The following ZSCAN5C variants were observed in gnomAD, a reference collection of about 807,000 sequenced individuals.
The protein encoded by ZSCAN5C is zinc finger and SCAN domain-containing protein 5C.
A neutral mutation model predicts 17.3 loss-of-function variants in ZSCAN5C; 11 were observed. That is an observed-to-expected ratio of 0.64 (90% CI 0.40 to 1.06). ZSCAN5C has a LOEUF of 1.06. ZSCAN5C is among the 50% of genes least tolerant of loss of function. ZSCAN5C has a pLI of 0.00. For synonymous variants in ZSCAN5C, 229 were observed against 208.4 expected, an observed-to-expected ratio of 1.10 and a Z score of -0.85; for missense variants, 698 against 538.9, an observed-to-expected ratio of 1.30 and a Z score of -2.92.
chr19:56,207,815 G>A (rs2032940709), intron 3 of ZSCAN5C, among the ~76,000 whole-genome samples: 1 of 151,824 alleles, frequency 6.6e-6, no homozygotes, highest in Non-Finnish European at 1.5e-5. Flanking sequence ...TGCCAGTGGT[G>A]CCAGGGGTTA....
chr19:56,203,795 A>G (rs2032894606), intron 1 of ZSCAN5C, among the ~76,000 whole-genome samples: 1 of 151,298 alleles, frequency 6.6e-6, no homozygotes, highest in Non-Finnish European at 1.5e-5. Context: ...GATTACAGGC[A>G]TGTGCCACCA....
chr19:56,207,167 C>T (rs746194868), exon 3 of ZSCAN5C: 14 of 777,966 alleles, frequency 1.8e-5, no homozygotes, highest in East Asian at 7.3e-5. Context: ...GTCCAGCCAG[C>T]GGACCTCCTC....
exon 5 of ZSCAN5C, chr19:56,208,727 G>A (rs910977826): frequency 4.2e-5 from 67 of 1,611,942 alleles, no homozygotes; most frequent in Non-Finnish European, 5.3e-5. Context: ...AGGCCCTGCG[G>A]GCCCAGTCAG....
chr19:56,206,399 G>A, intron 2 of ZSCAN5C, 102 bp downstream of exon 2: 1 of 1,439,972 alleles, frequency 6.9e-7, no homozygotes. Context: ...TCTAGGTCAG[G>A]GCTTCCAAGT....
chr19:56,206,438 T>A, intron 2 of ZSCAN5C, 141 bp downstream of exon 2: 1 of 1,301,916 alleles, frequency 7.7e-7, no homozygotes, highest in South Asian at 1.5e-5. Flanking sequence ...CAGGGACACA[T>A]GGCAGTGTCT....
chr19:56,203,859 G>A (rs2032895061), intron 1 of ZSCAN5C, among the ~76,000 whole-genome samples: 1 of 151,540 alleles, frequency 6.6e-6, no homozygotes, highest in Non-Finnish European at 1.5e-5. Context: ...ATGTTGGTCA[G>A]GCTGGTCTTG....
chr19:56,207,310 G>A (rs577549341), intron 3 of ZSCAN5C, 48 bp downstream of exon 3: 92 of 724,040 alleles, frequency 1.3e-4, no homozygotes, highest in Admixed American at 5.1e-4. Context: ...GAGAAGGAAC[G>A]GGAGGAAATC....
At chr19:56,206,731 C>T (rs535038115) in intron 2 of ZSCAN5C, among the ~76,000 whole-genome samples, 1 of 151,978 alleles carries the variant, frequency 6.6e-6, no homozygotes, top group South Asian at 2.1e-4. Context: ...GAAATACCAT[C>T]CTGAGGCAGG....
chr19:56,208,357 A>G, intron 4 of ZSCAN5C, 92 bp from the exon 5 acceptor site: 2 of 855,904 alleles, frequency 2.3e-6, no homozygotes, highest in Non-Finnish European at 3.7e-6. Flanking sequence ...GTTGAGGGGA[A>G]GTTGTCAGCC....
chr19:56,203,408 C>T lies in ZSCAN5C; in HGVS notation c.-128+1086C>T, dbSNP rs2032890564. Among the ~76,000 whole-genome samples, 2 of 151,846 alleles carry T rather than the reference C, an allele frequency of 1.3e-5. 1 individual carries two copies. Among genetic ancestry groups the T allele is most frequent in the African/African-American group, 4.9e-5 (2 of 41,148 alleles). ...GTAAATTGAGCTGATATTCACATGC[C>T]TTACTTTATGGACTAATCATTTTTG... On this transcript the variant is annotated intron_variant, in intron 1 of 4. Coordinates refer to ENST00000534327, the Ensembl canonical transcript of ZSCAN5C.
chr19:56,206,083 A>G, exon 2 of ZSCAN5C: 1 of 1,611,268 alleles, frequency 6.2e-7, no homozygotes, highest in Non-Finnish European at 8.5e-7. Context: ...AAGGAGTCGG[A>G]CCCCATCCAG....
At chr19:56,202,668 C>T (rs2032884053) in intron 1 of ZSCAN5C, among the ~76,000 whole-genome samples, 1 of 151,976 alleles carries the variant, frequency 6.6e-6, no homozygotes, top group Admixed American at 6.5e-5. Context: ...ATCCGCCTGC[C>T]TCTGCTTCCC....
Position 56,202,327 on chromosome 19 carries a change from G to A in ZSCAN5C, c.-128+5G>A, listed in dbSNP as rs1166511505. The A allele has an allele frequency of 6.6e-6, 1 of 152,418 alleles. No homozygotes were observed. Among genetic ancestry groups the A allele is most frequent in the Non-Finnish European group, 1.5e-5 (1 of 68,378 alleles). 9.4% of individuals were successfully genotyped at this position (152,418 alleles called of 1,614,324 possible). A position where few individuals can be genotyped will look rare whatever the true frequency, so the allele number is the denominator to read the frequency against. ...GAGGCAGAAGTCAGGAAGGAGGTAA[G>A]TGTCCACTGGGGATGTCTGTGGGGT... On this transcript the variant is annotated splice_donor_5th_base_variant and intron_variant, in intron 1 of 4. Coordinates refer to ENST00000534327, the Ensembl canonical transcript of ZSCAN5C.
At chr19:56,203,632 T>C (rs1357438843) in intron 1 of ZSCAN5C, among the ~76,000 whole-genome samples, 1 of 148,710 alleles carries the variant, frequency 6.7e-6, no homozygotes, top group East Asian at 2.0e-4. Flanking sequence ...ACTATGAGTC[T>C]ACTGGGAATT....
At chr19:56,209,039 G>T in exon 5 of ZSCAN5C, 1 of 1,611,788 alleles carries the variant, frequency 6.2e-7, no homozygotes, top group Non-Finnish European at 8.5e-7. Flanking sequence ...CGAATGTAAA[G>T]ACTGCAAGAA....
exon 5 of ZSCAN5C, chr19:56,208,515 C>T: frequency 6.4e-7 from 1 of 1,572,120 alleles, no homozygotes. Context: ...AATGTGGATG[C>T]TGACACACCT....
Position 56,205,338 on chromosome 19 carries a change from T to C in ZSCAN5C, c.-127-449T>C, listed in dbSNP as rs186119083. Among the ~76,000 whole-genome samples, 47 of 151,784 alleles carry C rather than the reference T, an allele frequency of 3.1e-4. 2 individuals carry two copies. The highest frequency in any genetic ancestry group is 1.3e-4 in the Admixed American group (2 of 15,284). On this transcript the variant is annotated intron_variant, in intron 1 of 4. Coordinates refer to ENST00000534327, the Ensembl canonical transcript of ZSCAN5C. ...TTCTCTGGAGCGAATAATTCTGGGA[T>C]TAAGAGGGTTTGTTGTGGGACAATA... is the stretch of plus-strand genomic sequence containing the variant.
exon 5 of ZSCAN5C, chr19:56,208,876 C>G: frequency 1.3e-6 from 2 of 1,587,530 alleles, no homozygotes; most frequent in Middle Eastern, 1.7e-4. Context: ...GTAATCTCTG[C>G]GGGAAGCGCT....
chr19:56,205,708 G>C (rs2032912383), intron 1 of ZSCAN5C, 79 bp from the exon 2 acceptor site: 1 of 550,618 alleles, frequency 1.8e-6, no homozygotes, highest in Non-Finnish European at 3.2e-6. Context: ...GTGGGGTCTG[G>C]GATTGGGATG....
Sources: gnomAD v4.1 joint callset for allele counts (sites outside exome capture counted in the v4.1 genomes callset) on GRCh38, gnomAD v4.1.1 for gene constraint, MANE v1.5 for transcripts, NCBI Gene and HGNC (gene_info 2026-07-23, HGNC 2026-07-21) for gene names.